The following FAM83G variants were observed in gnomAD, a reference collection of about 807,000 sequenced individuals.
FAM83G encodes the protein protein FAM83G.
A neutral mutation model predicts 61.5 loss-of-function variants in FAM83G; 38 were observed. The observed-to-expected ratio is 0.62, with a 90% confidence interval of 0.48 to 0.81. The LOEUF (loss-of-function observed/expected upper bound fraction) is 0.81, where lower values mean the gene tolerates loss of function less well. FAM83G is among the 30% of genes least tolerant of loss of function. FAM83G has a pLI of 0.00. For missense variants in FAM83G, 989 were observed against 1,133.6 expected (o/e 0.87, Z 1.83); for synonymous variants, 470 against 476.1 (o/e 0.99, Z 0.17).
intron 3 of FAM83G, among the ~76,000 whole-genome samples, chr17:18,984,117 C>T (rs1005979587): frequency 5.3e-5 from 8 of 151,914 alleles, no homozygotes; most frequent in South Asian, 4.1e-4. Flanking sequence ...CCGAGGCGGG[C>T]GGATCACGAG....
Position 19,000,498 on chromosome 17 carries a change from A to AG in FAM83G, c.522+3021dup, listed in dbSNP as rs2043703427. 6.6e-6 allele frequency among the ~76,000 whole-genome samples: 1 copy of AG among 152,134 alleles called. No individual in the cohort carries two copies. Among genetic ancestry groups the AG allele is most frequent in the Admixed American group, 6.5e-5 (1 of 15,284 alleles). On this transcript the variant is annotated intron_variant, in intron 2 of 5. Transcript: ENST00000388995. The surrounding 1 kb of genome is among the most constrained non-coding windows in gnomAD (Gnocchi z 5.2). ...AGTTCCATTCTAGTCATTTGGGAAC[A>AG]GGGGGGACTGACAGCAGTCCTGACA...
Position 18,970,711 on chromosome 17 carries a change from G to A in FAM83G, c.*648C>T, listed in dbSNP as rs560297356. Reference sequence around the variant, plus strand: ...GGCTGAGAACCACTTGCCCAAGGCCGATGAGTGTCCAGAGGCCAACAGTGA... The same window carrying A: ...GGCTGAGAACCACTTGCCCAAGGCCAATGAGTGTCCAGAGGCCAACAGTGA... On this transcript the variant is annotated 3_prime_UTR_variant, in exon 6 of 6. Transcript: ENST00000388995. 2.9e-5 allele frequency: 12 copies of A among 417,472 alleles called. No individual in the cohort carries two copies. The highest frequency in any genetic ancestry group is 9.9e-5 in the African/African-American group (5 of 50,468). The allele number at this position is 417,472 out of a possible 1,614,324, so 25.9% of individuals were successfully genotyped here. A position where few individuals can be genotyped will look rare whatever the true frequency, so the allele number is the denominator to read the frequency against.
chr17:19,004,017 G>A lies in FAM83G; in HGVS notation c.25C>T (p.Leu9=). 1 of 1,607,470 alleles carries A rather than the reference G, an allele frequency of 6.2e-7. No individual in the cohort carries two copies. MAFSQVQC[L]DDNHVNWRSS... ...CGCCAGTTCACATGGTTGTCGTCCA[G>A]ACACTGCACCTGAGAGAAGGCCATG... The change falls in exon 2 of 6, where the codon CTG becomes TTG. Residue 9 remains leucine (L), a synonymous_variant. Coordinates refer to ENST00000388995, the MANE Select transcript of FAM83G (RefSeq NM_001039999.3). This position sits in a 1 kb window ranked among gnomAD's most constrained non-coding sequence, Gnocchi z 5.4.
intron 3 of FAM83G, among the ~76,000 whole-genome samples, chr17:18,986,789 C>A (rs1174035057): frequency 2.0e-5 from 3 of 152,314 alleles, no homozygotes; most frequent in East Asian, 3.9e-4. Flanking sequence ...GGCAGGGGTA[C>A]GGTGCTGGTG....
intron 2 of FAM83G, among the ~76,000 whole-genome samples, chr17:18,993,165 A>ATCCTGACCCCTCTCCCCGACGCT (rs1567801112): frequency 3.3e-5 from 5 of 151,992 alleles, no homozygotes; most frequent in Non-Finnish European, 7.4e-5. Context: ...AAACCAACGC[A>ATCCTGACCCCTCTCCCCGACGCT]TCCTGACCCC....
Position 18,977,678 on chromosome 17 carries a change from T to A in FAM83G, c.1988A>T (p.Gln663Leu). Reference protein sequence around the residue: ...HITRGTFVGPQGGSPWAQSRG... With the variant: ...HITRGTFVGPLGGSPWAQSRG... ...ACTCTGGGCCCATGGGGAGCCACCC[T>A]GGGGTCCAACAAAGGTCCCTCGGGT... The change falls in exon 5 of 6, where the codon CAG becomes CTG. Residue 663 changes from glutamine (Q) to leucine (L), a missense_variant. Gln to Leu is a moderately radical substitution (Grantham distance 113, BLOSUM62 -2). Coordinates refer to ENST00000388995, the MANE Select transcript of FAM83G (RefSeq NM_001039999.3). The A allele has an allele frequency of 6.2e-7, 1 of 1,610,594 alleles. No individual in the cohort carries two copies. The highest frequency in any genetic ancestry group is 8.5e-7 in the Non-Finnish European group (1 of 1,179,896).
chr17:18,979,698 AT>A, intron 3 of FAM83G, 25 bp from the exon 4 acceptor site: 1 of 1,611,916 alleles, frequency 6.2e-7, no homozygotes, highest in Non-Finnish European at 8.5e-7. Context: ...AAGAGACAGA[AT>A]TACACGACTG....
chr17:18,981,556 C>T (rs1026787769), intron 3 of FAM83G, among the ~76,000 whole-genome samples: 1 of 152,108 alleles, frequency 6.6e-6, no homozygotes, highest in East Asian at 1.9e-4. Context: ...CAGAGCTGCC[C>T]GCCATGCCAT....
chr17:18,988,144 G>A, intron 3 of FAM83G, 103 bp downstream of exon 3: 2 of 1,492,642 alleles, frequency 1.3e-6, no homozygotes, highest in South Asian at 1.3e-5. Context: ...CTGAGTGCCT[G>A]GCACAGGACT....
chr17:18,987,066 T>C (rs1441240614), intron 3 of FAM83G, among the ~76,000 whole-genome samples: 4 of 152,126 alleles, frequency 2.6e-5, no homozygotes, highest in East Asian at 1.9e-4. Context: ...ACCGGAGGCG[T>C]TGGGGTTGGA....
In FAM83G at chr17:18,979,691, A is replaced by C; in HGVS notation, c.691-18T>G. ...CTGAGATTCTGTTTTGGGAACCAAG[A>C]GACAGAATTACACGACTGCAACCCT... On this transcript the variant is annotated intron_variant, in intron 3 of 5. Transcript: ENST00000388995. 6.2e-7 allele frequency: 1 copy of C among 1,612,672 alleles called. No individual in the cohort carries two copies. The highest frequency in any genetic ancestry group is 1.1e-5 in the South Asian group (1 of 91,058).
Position 18,978,565 on chromosome 17 carries a change from C to T in FAM83G, c.1101G>A (p.Lys367=). 2 of 1,613,270 alleles carry T rather than the reference C, an allele frequency of 1.2e-6. No homozygotes were observed. The highest frequency in any genetic ancestry group is 1.7e-6 in the Non-Finnish European group (2 of 1,180,004). Residue 367 remains lysine (K), a synonymous_variant, in exon 5 of 6, where the codon AAG becomes AAA. Transcript: ENST00000388995. Reference sequence around the variant, plus strand: ...GCCCCAGGGGCTTCTTGGCCTCCTGCTTCTCAGAGGAGATCTTGGCAATCT... The same window carrying T: ...GCCCCAGGGGCTTCTTGGCCTCCTGTTTCTCAGAGGAGATCTTGGCAATCT... ...VDEIAKISSE[K]QEAKKPLGLK...
At position 19,000,201 on chromosome 17, in the gene FAM83G, G is replaced by C. The variant is rs1326603687; in HGVS notation, c.522+3319C>G. Among the ~76,000 whole-genome samples, 2 of 152,254 alleles carry C rather than the reference G, an allele frequency of 1.3e-5. No individual in the cohort carries two copies. Among genetic ancestry groups the C allele is most frequent in the African/African-American group, 4.8e-5 (2 of 41,548 alleles). The stretch of plus-strand genomic sequence containing the variant: ...GGGCAGGCAGTTGACCTTCCATCTT[G>C]GAGTAGGAGCCCACTAGGGCTGGAG... On this transcript the variant is annotated intron_variant, in intron 2 of 5. Transcript: ENST00000388995. The surrounding 1 kb of genome is among the most constrained non-coding windows in gnomAD (Gnocchi z 5.2).
At chr17:18,999,283 G>GA (rs959679416) in intron 2 of FAM83G, among the ~76,000 whole-genome samples, 124 of 136,100 alleles carry the variant, frequency 9.1e-4, no homozygotes, top group Admixed American at 1.5e-3. Flanking sequence ...GTCTCAAGAA[G>GA]AAAAAAAAAA....
rs1390827398 is a variant in FAM83G, at chr17:18,976,859, C to T, written c.2082+725G>A. On this transcript the variant is annotated intron_variant, in intron 5 of 5. Coordinates refer to ENST00000388995, the MANE Select transcript of FAM83G (RefSeq NM_001039999.3). ...GTCTCGCACTCCACCCCCAGGTCAT[C>T]GTGCAGCGATCACTGTCAGCCCGGG... is the stretch of plus-strand genomic sequence containing the variant. 8 of 1,613,394 alleles carry T rather than the reference C, an allele frequency of 5.0e-6. No homozygotes were observed. In the East Asian group the frequency reaches 6.7e-5, roughly 13 times the overall value.
At chr17:18,988,466 C>T in intron 2 of FAM83G, 52 bp from the exon 3 acceptor site, 1 of 1,595,278 alleles carries the variant, frequency 6.3e-7, no homozygotes, top group Non-Finnish European at 8.6e-7. Context: ...GCAGTGGGGA[C>T]AGGGTGCCCT....
rs759572664 is a variant in FAM83G at position 18,996,898 on chromosome 17, T to C, written c.522+6622A>G. Among the ~76,000 whole-genome samples the C allele has an allele frequency of 6.6e-6, 1 of 152,266 alleles. No homozygotes were observed. Among genetic ancestry groups the C allele is most frequent in the Non-Finnish European group, 1.5e-5 (1 of 68,044 alleles). Reference sequence around the variant, plus strand: ...CCATCAGCACTGTCTGGAAGGTTAATGCCTGGGCCTCCCTGGCTCTGCCAT... The same window carrying C: ...CCATCAGCACTGTCTGGAAGGTTAACGCCTGGGCCTCCCTGGCTCTGCCAT... On this transcript the variant is annotated intron_variant, in intron 2 of 5. Transcript: ENST00000388995. This position sits in a 1 kb window ranked among gnomAD's most constrained non-coding sequence, Gnocchi z 4.4.
chr17:18,977,565 T>A lies in FAM83G; in HGVS notation c.2082+19A>T. 6.2e-7 allele frequency: 1 copy of A among 1,601,178 alleles called. No individual in the cohort carries two copies. Among genetic ancestry groups the A allele is most frequent in the Non-Finnish European group, 8.5e-7 (1 of 1,176,730 alleles). On this transcript the variant is annotated intron_variant, in intron 5 of 5. Transcript: ENST00000388995. ...AGGGAGGGACTCGTGACCCCTGGTG[T>A]GCAGGGACCCTGACCCACCTGTGCC...
intron 3 of FAM83G, among the ~76,000 whole-genome samples, chr17:18,986,934 T>C (rs2043284718): frequency 6.6e-6 from 1 of 152,122 alleles, no homozygotes; most frequent in Non-Finnish European, 1.5e-5. Flanking sequence ...CAGCACTAAT[T>C]ACGCGGCGGG....
Sources: allele counts gnomAD v4.1 joint callset (sites outside exome capture counted in the v4.1 genomes callset), GRCh38; gene constraint gnomAD v4.1.1; non-coding constraint Gnocchi (gnomAD v3.1); transcripts MANE v1.5; gene names NCBI Gene and HGNC (gene_info 2026-07-23, HGNC 2026-07-21).